Variants in CAMK1D observed in about 807,000 individuals in gnomAD.
The protein encoded by CAMK1D is calcium/calmodulin dependent protein kinase ID, also known as calcium/calmodulin-dependent protein kinase type 1D.
CAMK1D carries 9 observed loss-of-function variants against 47.7 expected under a neutral mutation model. The ratio of observed to expected loss-of-function variants is 0.19; its 90% CI spans 0.11 to 0.33. The LOEUF is 0.33. Ranked by LOEUF, CAMK1D falls within the 10% of genes least tolerant of loss-of-function variation. The pLI is 1.00. For missense variants in CAMK1D, 291 were observed against 488.7 expected (o/e 0.60, Z 3.81); for synonymous variants, 184 against 184.9 (o/e 0.99, Z 0.04).
intron 3 of CAMK1D, among the ~76,000 whole-genome samples, chr10:12,669,428 G>A (rs1840539009): frequency 6.6e-6 from 1 of 152,142 alleles, no homozygotes; most frequent in South Asian, 2.1e-4. Flanking sequence ...AAAAAAATTT[G>A]CGCAGTAGTT....
At chr10:12,600,733 G>A (rs989020078) in intron 2 of CAMK1D, among the ~76,000 whole-genome samples, 19 of 152,276 alleles carry the variant, frequency 1.2e-4, no homozygotes, top group African/African-American at 4.1e-4. Context: ...CCCAAATCAT[G>A]TACATTGTAC....
intron 3 of CAMK1D, among the ~76,000 whole-genome samples, chr10:12,751,106 GATAAGATAAGATAAGATAA>G (rs1835951326): frequency 1.1e-5 from 1 of 90,498 alleles, no homozygotes; most frequent in Non-Finnish European, 2.4e-5. Context: ...GATAAGATAA[GATAAGATAAGATAAGATAA>G]GAAGGCTTCA....
intron 1 of CAMK1D, among the ~76,000 whole-genome samples, chr10:12,351,274 G>T (rs1038815815): frequency 6.6e-6 from 1 of 152,268 alleles, no homozygotes. Context: ...ATCTTTGTTG[G>T]AATGAAAACA....
intron 1 of CAMK1D, among the ~76,000 whole-genome samples, chr10:12,454,116 T>C (rs868620109): frequency 2.0e-4 from 31 of 152,316 alleles, no homozygotes; most frequent in Middle Eastern, 3.4e-3. Flanking sequence ...AATTTCTTAC[T>C]ATATTATGTG....
At chr10:12,434,217 G>T (rs1426053702) in intron 1 of CAMK1D, among the ~76,000 whole-genome samples, 1 of 152,178 alleles carries the variant, frequency 6.6e-6, no homozygotes, top group Non-Finnish European at 1.5e-5. Context: ...AAAAAAATAA[G>T]TCTGTTGTTA....
In CAMK1D at chr10:12,554,296, C is replaced by T. The variant is rs1194347134; in HGVS notation, c.224+940C>T. ...CCTCAGCCTCCCGAAGCTGGGATTA[C>T]AGGCATCTGCCATCATGCCCAGCTA... On this transcript the variant is annotated intron_variant, in intron 2 of 10. Coordinates refer to ENST00000619168, the MANE Select transcript of CAMK1D (RefSeq NM_153498.4). Among the ~76,000 whole-genome samples the T allele has an allele frequency of 3.5e-5, 3 of 86,926 alleles. 1 individual carries two copies. The highest frequency in any genetic ancestry group is 9.2e-5 in the Non-Finnish European group (3 of 32,542). 57.0% of individuals were successfully genotyped at this position (86,926 alleles called of 152,430 possible). A position where few individuals can be genotyped will look rare whatever the true frequency, so the allele number is the denominator to read the frequency against.
chr10:12,807,747 C>A (rs1162476336), intron 6 of CAMK1D, among the ~76,000 whole-genome samples: 1 of 152,212 alleles, frequency 6.6e-6, no homozygotes, highest in Non-Finnish European at 1.5e-5. Flanking sequence ...TTACACCGTC[C>A]TACACCAGAT....
rs201047991 is a variant in CAMK1D, at chr10:12,368,206, A to AT, written c.92+18296_92+18297insT. Among the ~76,000 whole-genome samples, 110 of 65,788 alleles carry AT rather than the reference A, an allele frequency of 1.7e-3. 1 individual carries two copies. The highest frequency in any genetic ancestry group is 4.7e-3 in the Admixed American group (31 of 6,612). The allele number at this position is 65,788 out of a possible 152,430, so 43.2% of individuals were successfully genotyped here. On this transcript the variant is annotated intron_variant, in intron 1 of 10. Coordinates refer to ENST00000619168, the MANE Select transcript of CAMK1D (RefSeq NM_153498.4). The stretch of plus-strand genomic sequence containing the variant: ...AGAGCGAGACTCCGTCTCAAAAAAA[A>AT]AAAAAAAATAAAATAAAATGTTTAT...
At chr10:12,419,893 A>G (rs1839990522) in intron 1 of CAMK1D, among the ~76,000 whole-genome samples, 1 of 152,080 alleles carries the variant, frequency 6.6e-6, no homozygotes, top group African/African-American at 2.4e-5. Flanking sequence ...TAGAATTTTT[A>G]GTAAGCAGTG....
chr10:12,657,427 A>AAAATAAATAAATAAAT (rs10524598), intron 2 of CAMK1D, among the ~76,000 whole-genome samples: 44,802 of 146,430 alleles, frequency 0.31, 7,706 homozygotes, highest in Non-Finnish European at 0.37. Context: ...CTGTCTCATA[A>AAAATAAATAAATAAAT]AAATAAATAA....
chr10:12,652,530 G>A (rs1387997719), intron 2 of CAMK1D, among the ~76,000 whole-genome samples: 2 of 151,860 alleles, frequency 1.3e-5, no homozygotes, highest in African/African-American at 4.8e-5. Flanking sequence ...GGAGCTTGCA[G>A]TGAGCAGAGA....
intron 3 of CAMK1D, among the ~76,000 whole-genome samples, chr10:12,738,850 A>AAAAT (rs1171736752): frequency 2.6e-5 from 4 of 152,042 alleles, no homozygotes; most frequent in African/African-American, 9.7e-5. Context: ...TAAATAAATA[A>AAAAT]AAATAAATTA....
At chr10:12,732,670 G>GCCCCCCCC (rs367919756) in intron 3 of CAMK1D, among the ~76,000 whole-genome samples, 2 of 71,780 alleles carry the variant, frequency 2.8e-5, no homozygotes, top group African/African-American at 8.9e-5. Flanking sequence ...AATTACCCCC[G>GCCCCCCCC]CCCCCCCCGC....
At chr10:12,716,737 AT>A (rs1564514026) in intron 3 of CAMK1D, among the ~76,000 whole-genome samples, 1 of 151,922 alleles carries the variant, frequency 6.6e-6, no homozygotes, top group African/African-American at 2.4e-5. Context: ...CACTGGCTGA[AT>A]TTTTTTTAAC....
intron 1 of CAMK1D, among the ~76,000 whole-genome samples, chr10:12,357,766 T>G (rs1292232058): frequency 6.6e-6 from 1 of 152,196 alleles, no homozygotes; most frequent in Admixed American, 6.5e-5. Context: ...CCGGGAAAGA[T>G]TCCAGCCTGA....
At chr10:12,801,687 T>A (rs1838490431) in intron 6 of CAMK1D, among the ~76,000 whole-genome samples, 1 of 152,236 alleles carries the variant, frequency 6.6e-6, no homozygotes, top group Non-Finnish European at 1.5e-5. Context: ...ATCTTCATTA[T>A]CATTATCTGT....
intron 10 of CAMK1D, 95 bp from the exon 11 acceptor site, chr10:12,828,674 C>A (rs1187777035): frequency 1.0e-6 from 1 of 957,732 alleles, no homozygotes; most frequent in South Asian, 1.4e-5. Context: ...CCCCGCCCCC[C>A]ACCATAAACC....
At chr10:12,363,525 C>T (rs1419380501) in intron 1 of CAMK1D, among the ~76,000 whole-genome samples, 1 of 152,068 alleles carries the variant, frequency 6.6e-6, no homozygotes, top group African/African-American at 2.4e-5. Context: ...CTCTCATGTA[C>T]TTTAAATCAT....
At chr10:12,627,868 A>G (rs1839267370) in intron 2 of CAMK1D, among the ~76,000 whole-genome samples, 1 of 152,200 alleles carries the variant, frequency 6.6e-6, no homozygotes, top group South Asian at 2.1e-4. Flanking sequence ...TCACAAGGTC[A>G]GGAGATCAAG....
Sources: allele counts gnomAD v4.1 joint callset (sites outside exome capture counted in the v4.1 genomes callset), GRCh38; gene constraint gnomAD v4.1.1; transcripts MANE v1.5; gene names NCBI Gene and HGNC (gene_info 2026-07-23, HGNC 2026-07-21).